NAV3: variants seen among roughly 807,000 people sequenced by gnomAD.
NAV3 encodes the protein pore membrane and/or filament interacting like protein 1.
Under a neutral mutation model 244.7 loss-of-function variants are expected in NAV3, and 87 were observed. The ratio of observed to expected loss-of-function variants is 0.36; its 90% CI spans 0.30 to 0.42. The LOEUF (loss-of-function observed/expected upper bound fraction) is 0.42. NAV3 is among the 20% of genes least tolerant of loss of function. NAV3 has a pLI of 1.00. For missense variants in NAV3, 2,663 were observed against 2,893.3 expected (o/e 0.92, Z 1.83); for synonymous variants, 1,126 against 1,042.2 (o/e 1.08, Z -1.55).
intron 2 of NAV3, among the ~76,000 whole-genome samples, chr12:77,775,554 T>C (rs556535810): frequency 6.6e-6 from 1 of 152,218 alleles, no homozygotes; most frequent in Non-Finnish European, 1.5e-5. Context: ...CCTTTCCTCA[T>C]TCATTTGTTT....
Position 77,843,364 on chromosome 12 carries a change from C to A in NAV3, c.243+11660C>A, listed in dbSNP as rs559417086. The stretch of plus-strand genomic sequence containing the variant: ...ACCACTTCCAGGTCTGCACTGTGGA[C>A]CCCAGGTAACTTTCCTTGTTTTTGT... On this transcript the variant is annotated intron_variant, in intron 1 of 39. Transcript: ENST00000397909. Among the ~76,000 whole-genome samples, 17 of 151,962 alleles carry A rather than the reference C, an allele frequency of 1.1e-4. No individual in the cohort carries two copies. In the South Asian group the frequency reaches 3.3e-3, roughly 30 times the overall value.
chr12:77,588,520 G>A (rs1869746684), intron 2 of NAV3, among the ~76,000 whole-genome samples: 1 of 152,052 alleles, frequency 6.6e-6, no homozygotes, highest in Non-Finnish European at 1.5e-5. Flanking sequence ...TTCTCATACT[G>A]GTGTTCACAC....
chr12:77,612,915 A>T (rs1417724824), intron 2 of NAV3, among the ~76,000 whole-genome samples: 1 of 151,908 alleles, frequency 6.6e-6, no homozygotes, highest in Non-Finnish European at 1.5e-5. Flanking sequence ...ATGAGATCTG[A>T]TGGTTTTATA....
intron 9 of NAV3, chr12:78,036,969 G>A: frequency 1.4e-6 from 1 of 702,994 alleles, no homozygotes; most frequent in Non-Finnish European, 2.6e-6. Flanking sequence ...CCTCACCAGT[G>A]ATGGGGAGAG....
At chr12:77,960,379 G>T (rs781291638) in intron 3 of NAV3, among the ~76,000 whole-genome samples, 7 of 151,462 alleles carry the variant, frequency 4.6e-5, no homozygotes, top group Non-Finnish European at 1.0e-4. Flanking sequence ...TTAGACTGGG[G>T]AGAGAGCAGT....
chr12:77,671,896 A>G (rs1462910832), intron 2 of NAV3, among the ~76,000 whole-genome samples: 1 of 151,916 alleles, frequency 6.6e-6, no homozygotes, highest in Non-Finnish European at 1.5e-5. Context: ...AACAAAAACA[A>G]AGATAAATAG....
intron 18 of NAV3, among the ~76,000 whole-genome samples, chr12:78,134,280 G>A (rs1189335513): frequency 6.6e-6 from 1 of 152,084 alleles, no homozygotes; most frequent in African/African-American, 2.4e-5. Context: ...ACAGTCAGAA[G>A]AGACCACATC....
intron 5 of NAV3, among the ~76,000 whole-genome samples, chr12:77,981,675 T>C (rs1440623341): frequency 2.6e-5 from 4 of 152,056 alleles, no homozygotes; most frequent in Admixed American, 2.6e-4. Context: ...TTTCTGTCTT[T>C]TTAACATAAT....
chr12:77,782,228 C>T (rs1455498054), intron 2 of NAV3, among the ~76,000 whole-genome samples: 2 of 151,926 alleles, frequency 1.3e-5, no homozygotes, highest in Non-Finnish European at 2.9e-5. Context: ...TGAGATTCCT[C>T]ATGAAATTCC....
intron 4 of NAV3, among the ~76,000 whole-genome samples, chr12:77,966,714 G>T (rs1187453710): frequency 6.6e-6 from 1 of 151,808 alleles, no homozygotes; most frequent in African/African-American, 2.4e-5. Flanking sequence ...TATTCAAGTT[G>T]GTAGAAATAG....
chr12:77,875,230 G>T (rs951089608), intron 1 of NAV3, among the ~76,000 whole-genome samples: 1 of 151,794 alleles, frequency 6.6e-6, no homozygotes, highest in Non-Finnish European at 1.5e-5. Flanking sequence ...CTCATATATG[G>T]TGTCCTCAGG....
intron 1 of NAV3, among the ~76,000 whole-genome samples, chr12:77,880,660 A>G (rs1257606998): frequency 1.3e-5 from 2 of 152,152 alleles, no homozygotes; most frequent in Non-Finnish European, 2.9e-5. Context: ...GTACCATAAG[A>G]TTATAATACT....
intron 2 of NAV3, among the ~76,000 whole-genome samples, chr12:77,632,081 C>A (rs977600252): frequency 9.8e-5 from 8 of 81,476 alleles, no homozygotes; most frequent in Non-Finnish European, 6.4e-5. Context: ...GAGGTGGGTT[C>A]ATATTCAGAA....
intron 33 of NAV3, 56 bp downstream of exon 33, chr12:78,188,833 C>T (rs2139859184): frequency 6.5e-7 from 1 of 1,540,778 alleles, no homozygotes; most frequent in Non-Finnish European, 8.8e-7. Context: ...ACATTTTATT[C>T]TGCCCCCCGC....
At chr12:77,659,650 C>A (rs964072773) in intron 2 of NAV3, among the ~76,000 whole-genome samples, 6 of 152,150 alleles carry the variant, frequency 3.9e-5, no homozygotes, top group Admixed American at 2.6e-4. Flanking sequence ...GCTATAAAGA[C>A]ACATGCACAT....
Position 78,140,234 on chromosome 12 carries a change from G to T in NAV3, c.4631-48G>T, listed in dbSNP as rs201016449. On this transcript the variant is annotated intron_variant, in intron 19 of 39. Transcript: ENST00000397909. ...TTTTTCTGTAAAGGCTGGAATTTTT[G>T]AGTAGACCTTATTGTTTTAACTCTA... 1,431 of 1,525,692 alleles carry T rather than the reference G, an allele frequency of 9.4e-4. 1 individual carries two copies. Among genetic ancestry groups the T allele is most frequent in the Non-Finnish European group, 1.1e-3 (1,254 of 1,103,336 alleles). 94.5% of individuals were successfully genotyped at this position (1,525,692 alleles called of 1,614,324 possible). A position where few individuals can be genotyped will look rare whatever the true frequency, so the allele number is the denominator to read the frequency against.
chr12:77,722,756 A>T (rs1432038766), intron 2 of NAV3, among the ~76,000 whole-genome samples: 1 of 152,010 alleles, frequency 6.6e-6, no homozygotes, highest in South Asian at 2.1e-4. Context: ...AATTAATCCA[A>T]ATGTTTATAT....
intron 1 of NAV3, among the ~76,000 whole-genome samples, chr12:77,900,363 A>G (rs1885139020): frequency 6.6e-6 from 1 of 152,142 alleles, no homozygotes; most frequent in Non-Finnish European, 1.5e-5. Flanking sequence ...GGCATGAGCT[A>G]CCACACCTGG....
chr12:77,742,049 C>T (rs73136071), intron 2 of NAV3, among the ~76,000 whole-genome samples: 3,233 of 152,124 alleles, frequency 0.021, 40 homozygotes, highest in Non-Finnish European at 0.035. Flanking sequence ...TTACCGTGTA[C>T]TCAATTAATA....
Sources: gnomAD v4.1 joint callset for allele counts (sites outside exome capture counted in the v4.1 genomes callset) on GRCh38, gnomAD v4.1.1 for gene constraint, MANE v1.5 for transcripts, NCBI Gene and HGNC (gene_info 2026-07-23, HGNC 2026-07-21) for gene names.